The following KLF14 variants were observed in gnomAD, a reference collection of about 807,000 sequenced individuals.
KLF14 encodes the protein Krueppel-like factor 14.
A neutral mutation model predicts 16.2 loss-of-function variants in KLF14; 13 were observed. The observed-to-expected ratio is 0.80, with a 90% CI of 0.52 to 1.28. The LOEUF is 1.28. Among genes scored for constraint, KLF14 ranks in the 50% most tolerant of loss-of-function variants. KLF14 has a pLI of 0.00. For synonymous variants in KLF14, 276 were observed against 233.7 expected (o/e 1.18, Z -1.65); for missense variants, 571 against 493.4 (o/e 1.16, Z -1.49).
Position 130,733,511 on chromosome 7 carries a change from G to C in KLF14, c.523C>G (p.Pro175Ala). 1.9e-6 allele frequency: 3 copies of C among 1,592,866 alleles called. No individual in the cohort carries two copies. Among genetic ancestry groups the C allele is most frequent in the Non-Finnish European group, 2.6e-6 (3 of 1,170,500 alleles). The change falls in exon 1 of 1, where the codon CCC becomes GCC. Residue 175 changes from proline to alanine, a missense_variant. By Grantham distance (27) the Pro-to-Ala change is conservative. Coordinates refer to ENST00000583337, the MANE Select transcript of KLF14 (RefSeq NM_138693.4). This position sits in a 1 kb window ranked among gnomAD's most constrained non-coding sequence, Gnocchi z 5.2. ...GGCGCCTGATCCGCGGCGGGGGCGGGGCCTGCCCCTAGGGCCCCTCCAGAG... is the reference window on the plus strand; with the variant it reads ...GGCGCCTGATCCGCGGCGGGGGCGGCGCCTGCCCCTAGGGCCCCTCCAGAG... ...GFSGGALGAG[P>A]APAADQAPRR...
Position 130,733,933 on chromosome 7 carries a change from C to T in KLF14, c.101G>A (p.Gly34Asp). The change falls in exon 1 of 1, where the codon GGC (glycine) becomes GAC (aspartate). Residue 34 changes from glycine to aspartate, a missense_variant. Gly to Asp is a moderately conservative substitution (Grantham distance 94, BLOSUM62 -1). Coordinates refer to ENST00000583337, the MANE Select transcript of KLF14 (RefSeq NM_138693.4). The surrounding 1 kb of genome is among the most constrained non-coding windows in gnomAD (Gnocchi z 5.2). The stretch of plus-strand genomic sequence containing the variant: ...CTCCGAGCCAGCGGCTCCACCCGCG[C>T]CCTCGGGGTCCGGCGGGCGGCGGTG... Reference protein sequence around the residue: ...VVHRRPPDPEGAGGAAGSEVG... With the variant: ...VVHRRPPDPEDAGGAAGSEVG... The T allele has an allele frequency of 7.3e-7, 1 of 1,362,880 alleles. No homozygotes were observed. Among genetic ancestry groups the T allele is most frequent in the South Asian group, 1.5e-5 (1 of 64,676 alleles). The allele number at this position is 1,362,880 out of a possible 1,614,324, so 84.4% of individuals were successfully genotyped here.
Position 130,733,938 on chromosome 7 carries a change from G to C in KLF14, c.96C>G (p.Pro32=). 7.4e-7 allele frequency: 1 copy of C among 1,357,004 alleles called. No individual in the cohort carries two copies. Among genetic ancestry groups the C allele is most frequent in the Non-Finnish European group, 9.5e-7 (1 of 1,052,592 alleles). The allele number at this position is 1,357,004 out of a possible 1,614,324, so 84.1% of individuals were successfully genotyped here. The change falls in exon 1 of 1, where the codon CCC becomes CCG. Residue 32 remains proline (P), a synonymous_variant. Transcript: ENST00000583337. This position sits in a 1 kb window ranked among gnomAD's most constrained non-coding sequence, Gnocchi z 5.2. The part of the protein sequence containing the change: ...GAVVHRRPPD[P]EGAGGAAGSE... The stretch of plus-strand genomic sequence containing the variant: ...AGCCAGCGGCTCCACCCGCGCCCTC[G>C]GGGTCCGGCGGGCGGCGGTGAACCA...
In KLF14 at chr7:130,733,697, C is replaced by A; in HGVS notation, c.337G>T (p.Gly113Cys). ...GAGCACGGGATCGGGTCGGAGAAGC[C>A]GGACGAGGCGCGTGGAGCTTCCCCC... is the stretch of plus-strand genomic sequence containing the variant. The part of the protein sequence containing the change: ...NSGEAPRASS[G>C]FSDPIPCSVQ... The change falls in exon 1 of 1, where the codon GGC (glycine) becomes TGC (cysteine). Residue 113 changes from glycine (G) to cysteine (C), a missense_variant. Physicochemically the swap from Gly to Cys is radical, Grantham distance 159 (BLOSUM62 -3). Transcript: ENST00000583337. This position sits in a 1 kb window ranked among gnomAD's most constrained non-coding sequence, Gnocchi z 5.2. 6.4e-7 allele frequency: 1 copy of A among 1,572,698 alleles called. No individual in the cohort carries two copies. The highest frequency in any genetic ancestry group is 8.6e-7 in the Non-Finnish European group (1 of 1,164,678).
chr7:130,732,126 T>C lies in KLF14; in HGVS notation c.*936A>G, dbSNP rs574896120. ...GGGCAGCTGTGTCCACACGCCTCTA[T>C]TTCCCTGAAAGTTATCAATGGTTAT... On this transcript the variant is annotated 3_prime_UTR_variant, in exon 1 of 1. Transcript: ENST00000583337. 2 of 152,338 alleles carry C rather than the reference T, an allele frequency of 1.3e-5. No homozygotes were observed. The highest frequency in any genetic ancestry group is 4.1e-4 in the South Asian group (2 of 4,832). 9.4% of individuals were successfully genotyped at this position (152,338 alleles called of 1,614,324 possible).
rs1277360429 is a variant in KLF14 at position 130,730,819 on chromosome 7, A to G, written c.*2243T>C. ...TTGGCTTCCTTGGTCCACTTACCCAATGGCAGATCTTCAACTGAAAAGGAC... is the reference window on the plus strand; with the variant it reads ...TTGGCTTCCTTGGTCCACTTACCCAGTGGCAGATCTTCAACTGAAAAGGAC... On this transcript the variant is annotated 3_prime_UTR_variant, in exon 1 of 1. Transcript: ENST00000583337. Among the ~76,000 whole-genome samples the G allele has an allele frequency of 2.0e-5, 3 of 152,208 alleles. No individual in the cohort carries two copies. Among genetic ancestry groups the G allele is most frequent in the Non-Finnish European group, 4.4e-5 (3 of 68,042 alleles).
rs35770036 is a variant in KLF14, at chr7:130,733,517, C to G, written c.517G>C (p.Ala173Pro). 0.013 allele frequency: 21,134 copies of G among 1,580,624 alleles called. 1,794 individuals are homozygous for G. In the African/African-American group the frequency reaches 0.21, roughly 16 times the overall value. Residue 173 changes from alanine to proline, a missense_variant, in exon 1 of 1, where the codon GCA becomes CCA. Coordinates refer to ENST00000583337, the MANE Select transcript of KLF14 (RefSeq NM_138693.4). This position sits in a 1 kb window ranked among gnomAD's most constrained non-coding sequence, Gnocchi z 5.2. ...TGATCCGCGGCGGGGGCGGGGCCTG[C>G]CCCTAGGGCCCCTCCAGAGAACCCA... ...SGGFSGGALG[A>P]GPAPAADQAP...
Position 130,733,560 on chromosome 7 carries a change from G to A in KLF14, c.474C>T (p.Gly158=), listed in dbSNP as rs782600478. The change falls in exon 1 of 1, where the codon GGC becomes GGT. Residue 158 remains glycine, a synonymous_variant. Transcript: ENST00000583337. The surrounding 1 kb of genome is among the most constrained non-coding windows in gnomAD (Gnocchi z 5.2). ...AGAACCCACCAGAGGCTGCTGGTGC[G>A]CCCGGGGCAGCAGGCGCGCTTGGGA... ...PAVPSAPAAP[G]APAASGGFSG... is the part of the protein sequence containing the mutation. 1 of 1,555,396 alleles carries A rather than the reference G, an allele frequency of 6.4e-7. No individual in the cohort carries two copies. The highest frequency in any genetic ancestry group is 8.7e-7 in the Non-Finnish European group (1 of 1,150,824).
In KLF14 at chr7:130,733,849, G is replaced by T; in HGVS notation, c.185C>A (p.Ser62Ter). The T allele has an allele frequency of 7.4e-7, 1 of 1,354,180 alleles. No homozygotes were observed. Among genetic ancestry groups the T allele is most frequent in the Non-Finnish European group, 9.4e-7 (1 of 1,063,908 alleles). The allele number at this position is 1,354,180 out of a possible 1,614,324, so 83.9% of individuals were successfully genotyped here. Residue 62 changes from serine to a stop codon, truncating the protein, a stop_gained, in exon 1 of 1, where the codon TCG becomes TAG. Transcript: ENST00000583337. LOFTEE classifies it high-confidence loss of function. The surrounding 1 kb of genome is among the most constrained non-coding windows in gnomAD (Gnocchi z 5.2). ...LPGPGPPGPA[S>*]VPQLPQVPAP... is the part of the protein sequence containing the mutation. ...GGGGACCTGCGGGAGCTGGGGGACC[G>T]ACGCGGGCCCCGGTGGCCCCGGACC...
Position 130,732,994 on chromosome 7 carries a change from CAG to C in KLF14, c.*66_*67del, listed in dbSNP as rs1797217213. 3 of 1,499,034 alleles carry C rather than the reference CAG, an allele frequency of 2.0e-6. No homozygotes were observed. In the Admixed American group the frequency reaches 7.0e-5, roughly 35 times the overall value. 92.9% of individuals were successfully genotyped at this position (1,499,034 alleles called of 1,614,324 possible). A position where few individuals can be genotyped will look rare whatever the true frequency, so the allele number is the denominator to read the frequency against. ...AATGACTCTGGGAAAGAAGGATGGG[CAG>C]AGAGAAAGCAGGGACAACGGCCTGG... On this transcript the variant is annotated 3_prime_UTR_variant, in exon 1 of 1. Transcript: ENST00000583337.
At position 130,732,863 on chromosome 7, in the gene KLF14, C is replaced by G. The variant is rs985934611; in HGVS notation, c.*199G>C. 4.7e-6 allele frequency: 3 copies of G among 633,650 alleles called. No homozygotes were observed. Among genetic ancestry groups the G allele is most frequent in the Non-Finnish European group, 8.0e-6 (3 of 376,664 alleles). The allele number at this position is 633,650 out of a possible 1,614,324, so 39.3% of individuals were successfully genotyped here. On this transcript the variant is annotated 3_prime_UTR_variant, in exon 1 of 1. Coordinates refer to ENST00000583337, the MANE Select transcript of KLF14 (RefSeq NM_138693.4). ...ACCCCCACTTTTAGGATGATATACA[C>G]GTTGCAAGAATTCCCGCTATTTTCC...
Position 130,733,272 on chromosome 7 carries a change from G to A in KLF14, c.762C>T (p.Arg254=), listed in dbSNP as rs573320332. 18 of 1,613,814 alleles carry A rather than the reference G, an allele frequency of 1.1e-5. No homozygotes were observed. In the African/African-American group the frequency reaches 1.6e-4, roughly 14 times the overall value. ...GCTTGGGGCAGAGGGGGCAGGAGAA[G>A]CGCTTCTCGCCCGTGTGCGTCCTGT... is the stretch of plus-strand genomic sequence containing the variant. The part of the protein sequence containing the change: ...RHYRTHTGEK[R]FSCPLCPKQF... Residue 254 remains arginine, a synonymous_variant, in exon 1 of 1, where the codon CGC becomes CGT. Transcript: ENST00000583337. The surrounding 1 kb of genome is among the most constrained non-coding windows in gnomAD (Gnocchi z 5.2).
At position 130,734,150 on chromosome 7, in the gene KLF14, C is replaced by CGCCGCCT. The variant is rs1370063111; in HGVS notation, c.-124_-118dup. On this transcript the variant is annotated 5_prime_UTR_variant, in exon 1 of 1. Transcript: ENST00000583337. The surrounding 1 kb of genome is among the most constrained non-coding windows in gnomAD (Gnocchi z 4.4). ...AGCGAGAAGCAGGAGGCCGGGTGCT[C>CGCCGCCT]GCCGCCTGCCGCCTGCTGCCGCCGC... is the stretch of plus-strand genomic sequence containing the variant. 454 of 490,100 alleles carry CGCCGCCT rather than the reference C, an allele frequency of 9.3e-4. 1 individual carries two copies. Among genetic ancestry groups the CGCCGCCT allele is most frequent in the African/African-American group, 8.8e-3 (417 of 47,122 alleles). 30.4% of individuals were successfully genotyped at this position (490,100 alleles called of 1,614,324 possible).
chr7:130,734,118 G>T lies in KLF14; in HGVS notation c.-85C>A. ...AGTTCCCGGGAGCGTCCGTCCCGCA[G>T]CCTCGGAGCGAGAAGCAGGAGGCCG... On this transcript the variant is annotated 5_prime_UTR_variant, in exon 1 of 1. In the 5' UTR this introduces an upstream ATG that the reference lacks. Coordinates refer to ENST00000583337, the MANE Select transcript of KLF14 (RefSeq NM_138693.4). This position sits in a 1 kb window ranked among gnomAD's most constrained non-coding sequence, Gnocchi z 4.4. The T allele has an allele frequency of 1.2e-6, 1 of 852,496 alleles. No homozygotes were observed. The highest frequency in any genetic ancestry group is 1.5e-6 in the Non-Finnish European group (1 of 674,298). 52.8% of individuals were successfully genotyped at this position (852,496 alleles called of 1,614,324 possible).
chr7:130,733,160 G>C lies in KLF14; in HGVS notation c.874C>G (p.Arg292Gly). ...PDMIEYRGRR[R>G]TPRIDPPLTS... ...AGTGGCGGGTCGATGCGGGGAGTTC[G>C]ACGACGTCCCCGGTACTCGATCATA... is the stretch of plus-strand genomic sequence containing the variant. Residue 292 changes from arginine (R) to glycine (G), a missense_variant, in exon 1 of 1, where the codon CGA (arginine) becomes GGA (glycine). By Grantham distance (125) the Arg-to-Gly change is moderately radical (BLOSUM62 -2). Transcript: ENST00000583337. This position sits in a 1 kb window ranked among gnomAD's most constrained non-coding sequence, Gnocchi z 5.2. The C allele has an allele frequency of 6.3e-7, 1 of 1,584,210 alleles. No homozygotes were observed. Among genetic ancestry groups the C allele is most frequent in the Non-Finnish European group, 8.6e-7 (1 of 1,164,184 alleles).
chr7:130,733,510 G>C lies in KLF14; in HGVS notation c.524C>G (p.Pro175Arg), dbSNP rs781955981. The C allele has an allele frequency of 3.8e-6, 6 of 1,593,678 alleles. No individual in the cohort carries two copies. The highest frequency in any genetic ancestry group is 3.4e-6 in the Non-Finnish European group (4 of 1,170,888). Residue 175 changes from proline (P) to arginine (R), a missense_variant, in exon 1 of 1, where the codon CCC becomes CGC. Coordinates refer to ENST00000583337, the MANE Select transcript of KLF14 (RefSeq NM_138693.4). The surrounding 1 kb of genome is among the most constrained non-coding windows in gnomAD (Gnocchi z 5.2). ...GGGCGCCTGATCCGCGGCGGGGGCG[G>C]GGCCTGCCCCTAGGGCCCCTCCAGA... Reference protein sequence around the residue: ...GFSGGALGAGPAPAADQAPRR... With the variant: ...GFSGGALGAGRAPAADQAPRR...
At position 130,733,785 on chromosome 7, in the gene KLF14, C is replaced by T; in HGVS notation, c.249G>A (p.Leu83=). ...AGTCCGCCCAGACGCTTGCAGCCAG[C>T]AGGTGGGGCGCGGCGCCGCCCGCGC... ...SPGAGGAAPH[L]LAASVWADLR... is the part of the protein sequence containing the mutation. The change falls in exon 1 of 1, where the codon CTG becomes CTA. Residue 83 remains leucine, a synonymous_variant. Coordinates refer to ENST00000583337, the MANE Select transcript of KLF14 (RefSeq NM_138693.4). The surrounding 1 kb of genome is among the most constrained non-coding windows in gnomAD (Gnocchi z 5.2). 1 of 1,494,856 alleles carries T rather than the reference C, an allele frequency of 6.7e-7. No homozygotes were observed. The highest frequency in any genetic ancestry group is 2.3e-4 in the Middle Eastern group (1 of 4,322). The allele number at this position is 1,494,856 out of a possible 1,614,324, so 92.6% of individuals were successfully genotyped here. A position where few individuals can be genotyped will look rare whatever the true frequency, so the allele number is the denominator to read the frequency against.
chr7:130,731,840 G>C lies in KLF14; in HGVS notation c.*1222C>G, dbSNP rs550499734. 3.4e-4 allele frequency: 52 copies of C among 152,300 alleles called. No homozygotes were observed. The highest frequency in any genetic ancestry group is 1.3e-3 in the African/African-American group (52 of 41,548). The allele number at this position is 152,300 out of a possible 1,614,324, so 9.4% of individuals were successfully genotyped here. A position where few individuals can be genotyped will look rare whatever the true frequency, so the allele number is the denominator to read the frequency against. Reference sequence around the variant, plus strand: ...CTGATTCCTTCTTATCGGGAAAGGGGCCCTGAGGATATAACTTGGAGGGAC... The same window carrying C: ...CTGATTCCTTCTTATCGGGAAAGGGCCCCTGAGGATATAACTTGGAGGGAC... On this transcript the variant is annotated 3_prime_UTR_variant, in exon 1 of 1. Transcript: ENST00000583337.
In KLF14 at chr7:130,733,186, T is replaced by G; in HGVS notation, c.848A>C (p.Asp283Ala). The change falls in exon 1 of 1, where the codon GAT (aspartate) becomes GCT (alanine). Residue 283 changes from aspartate (D) to alanine (A), a missense_variant. Physicochemically the swap from Asp to Ala is moderately radical, Grantham distance 126. Coordinates refer to ENST00000583337, the MANE Select transcript of KLF14 (RefSeq NM_138693.4). The surrounding 1 kb of genome is among the most constrained non-coding windows in gnomAD (Gnocchi z 5.2). The stretch of plus-strand genomic sequence containing the variant: ...ACGACGTCCCCGGTACTCGATCATA[T>G]CTGGATGATAGGTTGGGTGGCGGCG... ...HARRHPTYHP[D>A]MIEYRGRRRT... 6.3e-7 allele frequency: 1 copy of G among 1,598,048 alleles called. No homozygotes were observed. Among genetic ancestry groups the G allele is most frequent in the Non-Finnish European group, 8.5e-7 (1 of 1,172,790 alleles).
rs1318773754 is a variant in KLF14, at chr7:130,734,192, G to A, written c.-159C>T. On this transcript the variant is annotated 5_prime_UTR_variant, in exon 1 of 1. Transcript: ENST00000583337. The surrounding 1 kb of genome is among the most constrained non-coding windows in gnomAD (Gnocchi z 4.4). ...TGCCGCCGCCGCCGCCGCAGCCGCC[G>A]CTGCCGCCGCCGCCCGCGCGGAGCC... 6 of 233,586 alleles carry A rather than the reference G, an allele frequency of 2.6e-5. No individual in the cohort carries two copies. The highest frequency in any genetic ancestry group is 4.2e-5 in the Non-Finnish European group (6 of 144,484). 14.5% of individuals were successfully genotyped at this position (233,586 alleles called of 1,614,324 possible).
Sources: allele counts gnomAD v4.1 joint callset (sites outside exome capture counted in the v4.1 genomes callset), GRCh38; gene constraint gnomAD v4.1.1; non-coding constraint Gnocchi (gnomAD v3.1); transcripts MANE v1.5; gene names NCBI Gene and HGNC (gene_info 2026-07-23, HGNC 2026-07-21).